COL23A1: variants seen among roughly 807,000 people sequenced by gnomAD.
COL23A1 encodes collagen alpha-1(XXIII) chain.
A neutral mutation model predicts 99.3 loss-of-function variants in COL23A1; 97 were observed. That is an observed-to-expected ratio of 0.98 (90% CI 0.83 to 1.16). The LOEUF (loss-of-function observed/expected upper bound fraction) is 1.16, where lower values mean the gene tolerates loss of function less well. Ranked by LOEUF, COL23A1 falls within the 50% of genes most tolerant of loss-of-function variation. COL23A1 has a pLI of 0.00. For missense variants in COL23A1, 762 were observed against 757.4 expected (o/e 1.01, Z -0.07); for synonymous variants, 320 against 308.2 (o/e 1.04, Z -0.40).
chr5:178,401,961 G>A (rs1431270853), intron 2 of COL23A1, among the ~76,000 whole-genome samples: 1 of 152,054 alleles, frequency 6.6e-6, no homozygotes, highest in African/African-American at 2.4e-5. Context: ...GATTACAGGC[G>A]CCTGCCACCA....
chr5:178,443,684 C>T (rs1034737252), intron 2 of COL23A1, among the ~76,000 whole-genome samples: 13 of 151,976 alleles, frequency 8.6e-5, no homozygotes, highest in Non-Finnish European at 7.4e-5. Flanking sequence ...TTTCAAACTC[C>T]TGACCTCAAG....
intron 2 of COL23A1, among the ~76,000 whole-genome samples, chr5:178,558,840 G>T (rs528729933): frequency 7.5e-4 from 113 of 151,664 alleles, no homozygotes; most frequent in Admixed American, 2.2e-3. Context: ...CCAGGCTGGA[G>T]TGCAATGGTG....
chr5:178,518,482 G>A (rs1394845711), intron 2 of COL23A1, among the ~76,000 whole-genome samples: 3 of 148,062 alleles, frequency 2.0e-5, no homozygotes, highest in African/African-American at 4.9e-5. Context: ...GCCGGGCAGA[G>A]GCGCCCCTCA....
intron 2 of COL23A1, among the ~76,000 whole-genome samples, chr5:178,537,861 C>T (rs1761066863): frequency 6.6e-6 from 1 of 152,200 alleles, no homozygotes; most frequent in Non-Finnish European, 1.5e-5. Flanking sequence ...ACTGTCGTGC[C>T]ACCATCACCA....
At chr5:178,503,951 GTCC>G (rs1313796883) in intron 2 of COL23A1, among the ~76,000 whole-genome samples, 1 of 152,112 alleles carries the variant, frequency 6.6e-6, no homozygotes. Flanking sequence ...TGGGAAACAG[GTCC>G]TCGGGTGTTC....
chr5:178,540,551 C>G (rs1239481078), intron 2 of COL23A1, among the ~76,000 whole-genome samples: 1 of 152,200 alleles, frequency 6.6e-6, no homozygotes, highest in Admixed American at 6.5e-5. Context: ...ATACCATGTT[C>G]ATGAATCGGA....
At chr5:178,556,101 G>T (rs755020520) in intron 2 of COL23A1, among the ~76,000 whole-genome samples, 1 of 152,136 alleles carries the variant, frequency 6.6e-6, no homozygotes, top group Non-Finnish European at 1.5e-5. Context: ...TGACCCAAAC[G>T]TCCTTGGCGG....
intron 2 of COL23A1, among the ~76,000 whole-genome samples, chr5:178,397,420 A>G (rs1764210774): frequency 6.6e-6 from 1 of 152,246 alleles, no homozygotes; most frequent in African/African-American, 2.4e-5. Flanking sequence ...AAAACTTAAA[A>G]GTACAGCGAG....
In COL23A1 at chr5:178,502,353, G is replaced by A. The variant is rs567733684; in HGVS notation, c.361+58329C>T. On this transcript the variant is annotated intron_variant, in intron 2 of 28. Coordinates refer to ENST00000390654, the MANE Select transcript of COL23A1 (RefSeq NM_173465.4). The stretch of plus-strand genomic sequence containing the variant: ...TCACCATGTTAGCCAGGATGGTCTC[G>A]ATCTTCTGACCTTGTGATCTGCCCG... Among the ~76,000 whole-genome samples, 32 of 152,260 alleles carry A rather than the reference G, an allele frequency of 2.1e-4. No homozygotes were observed. The East Asian group carries it at 2.9e-3, about 14-fold the overall frequency.
rs143526507 is a variant in COL23A1 at position 178,284,420 on chromosome 5, T to A, written c.441+3904A>T. Among the ~76,000 whole-genome samples, 365 of 152,364 alleles carry A rather than the reference T, an allele frequency of 2.4e-3. 2 individuals carry two copies. Among genetic ancestry groups the A allele is most frequent in the African/African-American group, 8.5e-3 (354 of 41,590 alleles). ...GCTTTAAAAGTGTAATACCCACAGT[T>A]GGCCAGCATTTGGGGAAATAGACAG... On this transcript the variant is annotated intron_variant, in intron 5 of 28. Transcript: ENST00000390654.
rs1238222752 is a variant in COL23A1 at position 178,434,975 on chromosome 5, G to A, written c.361+125707C>T. ...TTTCCCAGGGGCCTCTGCTGCAAGG[G>A]AGGGGGTCGGCACCCGTCCAGCACC... On this transcript the variant is annotated intron_variant, in intron 2 of 28. Coordinates refer to ENST00000390654, the MANE Select transcript of COL23A1 (RefSeq NM_173465.4). This position sits in a 1 kb window ranked among gnomAD's most constrained non-coding sequence, Gnocchi z 4.3. Among the ~76,000 whole-genome samples the A allele has an allele frequency of 6.6e-6, 1 of 152,178 alleles. No homozygotes were observed. The highest frequency in any genetic ancestry group is 1.5e-5 in the Non-Finnish European group (1 of 68,036).
In COL23A1 at chr5:178,239,126, T is replaced by A. The variant is rs1194013385; in HGVS notation, c.1620+15A>T. 4 of 1,609,798 alleles carry A rather than the reference T, an allele frequency of 2.5e-6. No homozygotes were observed. The Admixed American group carries it at 6.7e-5, about 27-fold the overall frequency. On this transcript the variant is annotated intron_variant, in intron 28 of 28. Coordinates refer to ENST00000390654, the MANE Select transcript of COL23A1 (RefSeq NM_173465.4). ...CCTCTCCCAAGCCTGCCCTGGAGAC[T>A]TCCCTGCACGGTACCTTATGCCAGC...
At chr5:178,404,218 TGCCCATCAC>T in intron 2 of COL23A1, among the ~76,000 whole-genome samples, 1 of 152,216 alleles carries the variant, frequency 6.6e-6, no homozygotes, top group Non-Finnish European at 1.5e-5. Flanking sequence ...TGGGGTACCA[TGCCCATCAC>T]AAGGAGTGGC....
Position 178,506,267 on chromosome 5 carries a change from G to A in COL23A1, c.361+54415C>T, listed in dbSNP as rs1368610408. Among the ~76,000 whole-genome samples the A allele has an allele frequency of 5.3e-5, 8 of 152,170 alleles. No homozygotes were observed. In the East Asian group the frequency reaches 1.5e-3, roughly 29 times the overall value. On this transcript the variant is annotated intron_variant, in intron 2 of 28. Transcript: ENST00000390654. ...CCAGTCCTGGGCGAGGGTGGTTTCC[G>A]GCCTACCAAATGACTGACAGTTCTT... is the stretch of plus-strand genomic sequence containing the variant.
At chr5:178,289,969 T>A (rs1011179036) in intron 4 of COL23A1, among the ~76,000 whole-genome samples, 6 of 152,240 alleles carry the variant, frequency 3.9e-5, no homozygotes, top group Admixed American at 3.3e-4. Context: ...TTCTGTCTGC[T>A]GCCCAGGCTG....
In COL23A1 at chr5:178,245,975, A is replaced by G. The variant is rs1429939704; in HGVS notation, c.1414-7T>C. 6.2e-7 allele frequency: 1 copy of G among 1,613,892 alleles called. No individual in the cohort carries two copies. Among genetic ancestry groups the G allele is most frequent in the Non-Finnish European group, 8.5e-7 (1 of 1,180,004 alleles). On this transcript the variant is annotated splice_region_variant and splice_polypyrimidine_tract_variant and intron_variant, in intron 24 of 28. Transcript: ENST00000390654. Reference sequence around the variant, plus strand: ...CTGGCTCCCCGGGTCTGCCCTGAGGAGAGACACAGAGTGGGTGAGAGGGGT... The same window carrying G: ...CTGGCTCCCCGGGTCTGCCCTGAGGGGAGACACAGAGTGGGTGAGAGGGGT...
chr5:178,348,620 G>T (rs1408067904), intron 2 of COL23A1, among the ~76,000 whole-genome samples: 1 of 152,228 alleles, frequency 6.6e-6, no homozygotes, highest in South Asian at 2.1e-4. Context: ...CTTCTGGGCT[G>T]AGCTCCCTGC....
rs1399799870 is a variant in COL23A1 at position 178,238,577 on chromosome 5, G to A, written c.*121C>T. ...TTTGGGGCTGGGTGGGCATACTCTT[G>A]AATGTTAAAAGGCCACAGGTAGCGC... On this transcript the variant is annotated 3_prime_UTR_variant, in exon 29 of 29. Coordinates refer to ENST00000390654, the MANE Select transcript of COL23A1 (RefSeq NM_173465.4). 8.1e-6 allele frequency: 11 copies of A among 1,362,310 alleles called. No homozygotes were observed. Among genetic ancestry groups the A allele is most frequent in the South Asian group, 1.2e-5 (1 of 83,322 alleles). The allele number at this position is 1,362,310 out of a possible 1,614,324, so 84.4% of individuals were successfully genotyped here.
At chr5:178,341,877 C>T (rs1046057558) in intron 2 of COL23A1, among the ~76,000 whole-genome samples, 18 of 152,208 alleles carry the variant, frequency 1.2e-4, no homozygotes, top group African/African-American at 4.3e-4. Context: ...GCGAGCCCCT[C>T]ACTGCCTTCA....
Sources: allele counts gnomAD v4.1 joint callset (sites outside exome capture counted in the v4.1 genomes callset), GRCh38; gene constraint gnomAD v4.1.1; non-coding constraint Gnocchi (gnomAD v3.1); transcripts MANE v1.5; gene names NCBI Gene and HGNC (gene_info 2026-07-23, HGNC 2026-07-21).